Variants in FBN2 observed in about 807,000 individuals in gnomAD.
FBN2 encodes the protein fibrillin-2.
In FBN2, 105 loss-of-function variants were observed where a neutral mutation model predicts 355.6. The ratio of observed to expected loss-of-function variants is 0.30; its 90% CI spans 0.25 to 0.35. The LOEUF (loss-of-function observed/expected upper bound fraction) is 0.35, where lower values mean the gene tolerates loss of function less well. Among genes scored for constraint, FBN2 ranks in the 10% least tolerant of loss-of-function variants. FBN2 has a pLI of 1.00. For missense variants in FBN2, 3,280 were observed against 3,758.7 expected (o/e 0.87, Z 3.33); for synonymous variants, 1,350 against 1,301.2 (o/e 1.04, Z -0.81).
At chr5:128,298,291 T>C (rs1277023458) in intron 48 of FBN2, among the ~76,000 whole-genome samples, 3 of 151,302 alleles carry the variant, frequency 2.0e-5, no homozygotes, top group Non-Finnish European at 4.5e-5. Flanking sequence ...ATTTCAACTT[T>C]GGTGAATCTG....
intron 34 of FBN2, among the ~76,000 whole-genome samples, chr5:128,322,223 A>T (rs1750397909): frequency 6.6e-6 from 1 of 151,948 alleles, no homozygotes; most frequent in Non-Finnish European, 1.5e-5. Context: ...ATTTTCTTCC[A>T]TTCTGTAGGT....
intron 57 of FBN2, among the ~76,000 whole-genome samples, 168 bp from the exon 58 acceptor site, chr5:128,278,173 G>T (rs1226949454): frequency 1.3e-5 from 2 of 152,162 alleles, no homozygotes; most frequent in African/African-American, 4.8e-5. Context: ...ACATGGATGT[G>T]ATGGAAAAAT....
chr5:128,342,934 G>A (rs1275722760), intron 25 of FBN2, among the ~76,000 whole-genome samples: 1 of 151,992 alleles, frequency 6.6e-6, no homozygotes, highest in African/African-American at 2.4e-5. Flanking sequence ...CTCCATGTTG[G>A]TCAGGCTGGT....
At chr5:128,325,924 A>G (rs1338961567) in intron 34 of FBN2, among the ~76,000 whole-genome samples, 2 of 152,078 alleles carry the variant, frequency 1.3e-5, no homozygotes, top group Non-Finnish European at 2.9e-5. Flanking sequence ...CTTTTACTCT[A>G]TAGCTCTTAT....
At chr5:128,446,352 A>ATAGTAGAT in intron 7 of FBN2, 129 bp downstream of exon 7, 1 of 1,004,058 alleles carries the variant, frequency 1.0e-6, no homozygotes, top group Non-Finnish European at 1.5e-6. Flanking sequence ...CTCTAGGCTT[A>ATAGTAGAT]AACCTATGCT....
At chr5:128,520,276 T>C (rs888079652) in intron 4 of FBN2, among the ~76,000 whole-genome samples, 16 of 152,288 alleles carry the variant, frequency 1.1e-4, no homozygotes, top group Non-Finnish European at 2.4e-4. Context: ...CTAGAATCCT[T>C]GGAACCTAAG....
At chr5:128,261,331 G>T (rs1281602607) in intron 64 of FBN2, among the ~76,000 whole-genome samples, 3 of 152,112 alleles carry the variant, frequency 2.0e-5, no homozygotes, top group African/African-American at 7.2e-5. Flanking sequence ...ATAAAACAAA[G>T]AATATGAGAC....
At chr5:128,301,554 A>C in intron 46 of FBN2, 44 bp from the exon 47 acceptor site, 23 of 1,592,632 alleles carry the variant, frequency 1.4e-5, no homozygotes, top group Non-Finnish European at 2.0e-5. Flanking sequence ...AGCTCTTAAC[A>C]TGTATATTGT....
chr5:128,407,199 G>A (rs1444529022), intron 8 of FBN2, among the ~76,000 whole-genome samples: 1 of 152,132 alleles, frequency 6.6e-6, no homozygotes, highest in Non-Finnish European at 1.5e-5. Flanking sequence ...GAGTCAGAGA[G>A]GTCAGGATTT....
Position 128,259,526 on chromosome 5 carries a change from T to C in FBN2, c.8668A>G (p.Asn2890Asp), listed in dbSNP as rs888064842. Reference sequence around the variant, plus strand: ...TCCCCTAGGAGGTAGTCATCCTCATTGCTCTCTTCCAGTTTCTTAAGCTCC... The same window carrying C: ...TCCCCTAGGAGGTAGTCATCCTCATCGCTCTCTTCCAGTTTCTTAAGCTCC... Reference protein sequence around the residue: ...KKELKKLEESNEDDYLLGELG... With the variant: ...KKELKKLEESDEDDYLLGELG... The change falls in exon 65 of 65, where the codon AAT becomes GAT. Residue 2890 changes from asparagine (N) to aspartate (D), a missense_variant. Physicochemically the swap from Asn to Asp is conservative, Grantham distance 23. Around this residue, in one of 6 missense-constraint regions of FBN2, gnomAD observed 311 missense variants for 319.1 expected, o/e 0.97. Coordinates refer to ENST00000262464, the MANE Select transcript of FBN2 (RefSeq NM_001999.4). The C allele has an allele frequency of 3.1e-6, 5 of 1,613,894 alleles. No individual in the cohort carries two copies. Among genetic ancestry groups the C allele is most frequent in the East Asian group, 2.2e-5 (1 of 44,870 alleles).
chr5:128,522,648 G>A (rs1017466472), intron 4 of FBN2, among the ~76,000 whole-genome samples: 1 of 152,170 alleles, frequency 6.6e-6, no homozygotes, highest in African/African-American at 2.4e-5. Flanking sequence ...AAGAAGAGAA[G>A]CAGGAAATAC....
rs1004073251 is a variant in FBN2 at position 128,377,889 on chromosome 5, G to A, written c.1724-12C>T. The A allele has an allele frequency of 5.6e-6, 9 of 1,611,154 alleles. No homozygotes were observed. The African/African-American group carries it at 9.4e-5, about 17-fold the overall frequency. On this transcript the variant is annotated splice_polypyrimidine_tract_variant and intron_variant, in intron 12 of 64. Transcript: ENST00000262464. The stretch of plus-strand genomic sequence containing the variant: ...GCACTCATCAATATCTAGGAAGATT[G>A]AGAATGGCCAAACATCATTCTTTTA...
intron 48 of FBN2, among the ~76,000 whole-genome samples, chr5:128,293,355 G>A (rs919753208): frequency 4.6e-5 from 7 of 152,136 alleles, no homozygotes; most frequent in African/African-American, 9.7e-5. Flanking sequence ...AGCCAGGCGT[G>A]GTGGTGGGCA....
chr5:128,389,394 G>A (rs1383001099), intron 11 of FBN2, among the ~76,000 whole-genome samples: 10 of 152,216 alleles, frequency 6.6e-5, no homozygotes, highest in Non-Finnish European at 1.3e-4. Flanking sequence ...GAGCTATGGT[G>A]GTGACACCTG....
chr5:128,517,359 A>T (rs1756307044), intron 5 of FBN2, among the ~76,000 whole-genome samples: 1 of 152,224 alleles, frequency 6.6e-6, no homozygotes. Context: ...TTTTAAATTT[A>T]TTCTACATTC....
At chr5:128,266,935 G>C (rs1337046369) in intron 62 of FBN2, among the ~76,000 whole-genome samples, 2 of 151,988 alleles carry the variant, frequency 1.3e-5, no homozygotes, top group Non-Finnish European at 2.9e-5. Context: ...GTGCTGTGCT[G>C]CACCTACTGA....
At chr5:128,450,583 A>C (rs1195234066) in intron 6 of FBN2, among the ~76,000 whole-genome samples, 2 of 152,116 alleles carry the variant, frequency 1.3e-5, no homozygotes, top group Non-Finnish European at 2.9e-5. Context: ...TTATAGTACA[A>C]AAAGAGAAGC....
chr5:128,433,319 G>C (rs1253073400), intron 7 of FBN2, among the ~76,000 whole-genome samples: 1 of 152,088 alleles, frequency 6.6e-6, no homozygotes. Context: ...CAACATACAA[G>C]TTTGAAGTTA....
intron 7 of FBN2, among the ~76,000 whole-genome samples, chr5:128,424,633 T>A (rs868154642): frequency 1.3e-5 from 2 of 152,200 alleles, no homozygotes; most frequent in Non-Finnish European, 2.9e-5. Context: ...GTCTTTGTTA[T>A]CATTAATAGG....
Sources: gnomAD v4.1 joint callset for allele counts (sites outside exome capture counted in the v4.1 genomes callset) on GRCh38, gnomAD v4.1.1 for gene constraint, gnomAD v4.1.1 regional missense constraint, MANE v1.5 for transcripts, NCBI Gene and HGNC (gene_info 2026-07-23, HGNC 2026-07-21) for gene names.